RIMS2: variants seen among roughly 807,000 people sequenced by gnomAD.
RIMS2 encodes the protein regulating synaptic membrane exocytosis 2.
In RIMS2, 59 loss-of-function variants were observed where a neutral mutation model predicts 174.4. The observed-to-expected ratio is 0.34, with a 90% CI of 0.27 to 0.42. The LOEUF (loss-of-function observed/expected upper bound fraction) is 0.42. Ranked by LOEUF, RIMS2 falls within the 10% of genes least tolerant of loss-of-function variation. RIMS2 has a pLI of 1.00. For synonymous variants in RIMS2, 606 were observed against 572.5 expected, an observed-to-expected ratio of 1.06 and a Z score of -0.84; for missense variants, 1,620 against 1,666.3, an observed-to-expected ratio of 0.97 and a Z score of 0.48.
At chr8:103,928,548 G>A (rs554169690) in intron 11 of RIMS2, among the ~76,000 whole-genome samples, 22 of 151,442 alleles carry the variant, frequency 1.5e-4, no homozygotes, top group Non-Finnish European at 2.8e-4. Context: ...ATATGGTAAA[G>A]TAATGGCAAT....
At chr8:104,029,397 G>A (rs535305332) in intron 19 of RIMS2, among the ~76,000 whole-genome samples, 1 of 152,084 alleles carries the variant, frequency 6.6e-6, no homozygotes. Flanking sequence ...GACAAAACTT[G>A]CCTAAAGTTA....
At chr8:104,228,027 T>C (rs1163130831) in intron 19 of RIMS2, among the ~76,000 whole-genome samples, 1 of 149,722 alleles carries the variant, frequency 6.7e-6, no homozygotes, top group Admixed American at 6.6e-5. Context: ...TTCTTTTCTT[T>C]TTTTTTTTTT....
intron 2 of RIMS2, among the ~76,000 whole-genome samples, chr8:103,749,829 A>G (rs1382990320): frequency 6.6e-6 from 1 of 152,170 alleles, no homozygotes; most frequent in African/African-American, 2.4e-5. Flanking sequence ...TCTGTTCTAA[A>G]TGAAATTTTA....
chr8:103,566,576 C>T (rs1366699671), intron 1 of RIMS2, among the ~76,000 whole-genome samples: 2 of 152,148 alleles, frequency 1.3e-5, no homozygotes, highest in Non-Finnish European at 2.9e-5. Context: ...TTGTAGTGAA[C>T]ATTTATTGAT....
intron 1 of RIMS2, among the ~76,000 whole-genome samples, chr8:103,663,240 T>C (rs1186309267): frequency 6.6e-6 from 1 of 152,158 alleles, no homozygotes; most frequent in African/African-American, 2.4e-5. Context: ...AATACAGTTT[T>C]AGTTATGGTG....
intron 19 of RIMS2, among the ~76,000 whole-genome samples, chr8:104,036,337 G>A (rs1202303624): frequency 1.3e-5 from 2 of 151,302 alleles, no homozygotes; most frequent in African/African-American, 4.8e-5. Context: ...ATTTTTAGTA[G>A]AGACAGGGTT....
At chr8:103,650,308 T>C (rs561038803) in intron 1 of RIMS2, among the ~76,000 whole-genome samples, 1 of 152,150 alleles carries the variant, frequency 6.6e-6, no homozygotes, top group South Asian at 2.1e-4. Context: ...TGGAAGCTTT[T>C]TTTCAGTGGG....
intron 1 of RIMS2, among the ~76,000 whole-genome samples, chr8:103,695,417 GCTTT>G (rs1249436905): frequency 1.3e-5 from 2 of 151,726 alleles, no homozygotes; most frequent in Non-Finnish European, 2.9e-5. Flanking sequence ...CTTTTCTTCT[GCTTT>G]CTTTGAGTTT....
At chr8:104,107,062 T>C (rs2098084367) in intron 19 of RIMS2, among the ~76,000 whole-genome samples, 1 of 152,170 alleles carries the variant, frequency 6.6e-6, no homozygotes, top group African/African-American at 2.4e-5. Flanking sequence ...CCTGAGACTT[T>C]AGGATTTTAA....
chr8:103,759,381 C>T (rs970103821), intron 2 of RIMS2, among the ~76,000 whole-genome samples: 7 of 151,678 alleles, frequency 4.6e-5, no homozygotes, highest in Non-Finnish European at 7.4e-5. Flanking sequence ...CTGGCTAACA[C>T]GGTGAAACCC....
chr8:103,843,891 C>T (rs1336989493), intron 3 of RIMS2, among the ~76,000 whole-genome samples: 1 of 152,036 alleles, frequency 6.6e-6, no homozygotes, highest in Non-Finnish European at 1.5e-5. Flanking sequence ...GTGTCACCAC[C>T]CAAATCTCAT....
At chr8:104,224,313 A>G (rs1279482648) in intron 19 of RIMS2, among the ~76,000 whole-genome samples, 2 of 152,246 alleles carry the variant, frequency 1.3e-5, no homozygotes, top group East Asian at 3.8e-4. Context: ...TGCTCAAGGC[A>G]CAATCTCTGG....
intron 2 of RIMS2, among the ~76,000 whole-genome samples, chr8:103,740,993 T>C (rs922317875): frequency 1.3e-5 from 2 of 152,108 alleles, no homozygotes; most frequent in Non-Finnish European, 2.9e-5. Context: ...ACAAAATATG[T>C]ATATAAGTTG....
chr8:103,506,017 T>C (rs1243114311), intron 1 of RIMS2, among the ~76,000 whole-genome samples: 1 of 152,166 alleles, frequency 6.6e-6, no homozygotes. Context: ...ATTTTGAGTT[T>C]GTGATCTTCT....
At chr8:103,733,689 T>A (rs193239147) in intron 2 of RIMS2, among the ~76,000 whole-genome samples, 6 of 152,278 alleles carry the variant, frequency 3.9e-5, no homozygotes, top group Admixed American at 6.5e-5. Context: ...TTCCACTTCA[T>A]CAGGTCAGCA....
At chr8:103,635,967 G>C (rs955794439) in intron 1 of RIMS2, among the ~76,000 whole-genome samples, 1 of 152,116 alleles carries the variant, frequency 6.6e-6, no homozygotes, top group Non-Finnish European at 1.5e-5. Flanking sequence ...GGAGAAACAG[G>C]ATCAGGTACT....
intron 13 of RIMS2, among the ~76,000 whole-genome samples, chr8:103,940,759 C>G (rs947124618): frequency 6.6e-6 from 1 of 151,896 alleles, no homozygotes; most frequent in African/African-American, 2.4e-5. Context: ...TCCTGTAATT[C>G]CAACTACTTG....
At chr8:103,563,717 C>T (rs915428691) in intron 1 of RIMS2, among the ~76,000 whole-genome samples, 5 of 152,178 alleles carry the variant, frequency 3.3e-5, no homozygotes, top group African/African-American at 9.6e-5. Context: ...TCCATTTTCA[C>T]GCTGGTATTA....
chr8:103,606,458 T>A (rs1007026002), intron 1 of RIMS2, among the ~76,000 whole-genome samples: 5 of 152,160 alleles, frequency 3.3e-5, no homozygotes, highest in Non-Finnish European at 5.9e-5. Context: ...GGTGTGGTGC[T>A]GAAAAAAATG....
Sources: gnomAD v4.1 joint callset for allele counts (sites outside exome capture counted in the v4.1 genomes callset) on GRCh38, gnomAD v4.1.1 for gene constraint, MANE v1.5 for transcripts, NCBI Gene and HGNC (gene_info 2026-07-23, HGNC 2026-07-21) for gene names.